The following RFC3 variants were observed in gnomAD, a reference collection of about 807,000 sequenced individuals.
The protein encoded by RFC3 is replication factor C subunit 3.
A neutral mutation model predicts 45.1 loss-of-function variants in RFC3; 41 were observed. The ratio of observed to expected loss-of-function variants is 0.91; its 90% CI spans 0.71 to 1.18. The LOEUF is 1.18. Ranked by LOEUF, RFC3 falls within the 50% of genes most tolerant of loss-of-function variation. RFC3 has a pLI of 0.00. For synonymous variants in RFC3, 149 were observed against 144.0 expected (o/e 1.03, Z -0.25); for missense variants, 423 against 428.1 (o/e 0.99, Z 0.10).
At chr13:33,947,218 G>A (rs771554314) in intron 8 of RFC3, among the ~76,000 whole-genome samples, 4 of 152,100 alleles carry the variant, frequency 2.6e-5, no homozygotes, top group Non-Finnish European at 4.4e-5. Context: ...GGACCATGGG[G>A]GTGATTTCCC....
intron 8 of RFC3, among the ~76,000 whole-genome samples, chr13:33,875,946 G>A (rs968461221): frequency 6.6e-6 from 1 of 152,114 alleles, no homozygotes; most frequent in African/African-American, 2.4e-5. Flanking sequence ...CAACTTGAAA[G>A]TGTTTAGTAT....
intron 8 of RFC3, among the ~76,000 whole-genome samples, chr13:33,911,250 C>G (rs1396049375): frequency 6.6e-6 from 1 of 152,010 alleles, no homozygotes; most frequent in Non-Finnish European, 1.5e-5. Flanking sequence ...AATGAGAGAG[C>G]TCATTTACAC....
the RFC3 span, among the ~76,000 whole-genome samples, chr13:33,971,898 G>A: frequency 0.44 from 66,403 of 151,958 alleles, 15,714 homozygotes; most frequent in East Asian, 0.78. Context: ...GATCACTTGA[G>A]GTCAGGAGTT....
chr13:33,851,292 A>G (rs1407101532), intron 8 of RFC3, among the ~76,000 whole-genome samples: 1 of 152,192 alleles, frequency 6.6e-6, no homozygotes, highest in East Asian at 1.9e-4. Flanking sequence ...ACCCTTGAAC[A>G]ATGTCGGGGG....
chr13:33,825,435 C>A (rs536451238), intron 3 of RFC3, among the ~76,000 whole-genome samples: 9 of 152,160 alleles, frequency 5.9e-5, no homozygotes, highest in Non-Finnish European at 7.4e-5. Context: ...TTTGTATTTT[C>A]AACAATTATA....
At position 33,823,989 on chromosome 13, in the gene RFC3, G is replaced by A. The variant is rs1183540928; in HGVS notation, c.293+5G>A. On this transcript the variant is annotated splice_donor_5th_base_variant and intron_variant, in intron 3 of 8. Coordinates refer to ENST00000380071, the MANE Select transcript of RFC3 (RefSeq NM_002915.4). ...CCACCTTGAAGTTAATCCTAGGTAA[G>A]TTACTACTATATAGAAATTAAGTAT... The A allele has an allele frequency of 1.4e-6, 2 of 1,433,928 alleles. No individual in the cohort carries two copies. Among genetic ancestry groups the A allele is most frequent in the East Asian group, 2.3e-5 (1 of 42,854 alleles). 88.8% of individuals were successfully genotyped at this position (1,433,928 alleles called of 1,614,324 possible).
chr13:33,953,321 C>G (rs1164614929), intron 8 of RFC3, among the ~76,000 whole-genome samples: 17 of 41,604 alleles, frequency 4.1e-4, no homozygotes, highest in African/African-American at 1.5e-3. Context: ...TGGTGTTGCT[C>G]TTTAAAAAAA....
chr13:33,907,345 G>T (rs973552775), intron 8 of RFC3, among the ~76,000 whole-genome samples: 4 of 152,036 alleles, frequency 2.6e-5, no homozygotes, highest in South Asian at 2.1e-4. Flanking sequence ...TGCTGTGTTT[G>T]CCATTTGTTC....
chr13:33,886,019 T>TAA (rs145940330), intron 8 of RFC3, among the ~76,000 whole-genome samples: 9 of 147,638 alleles, frequency 6.1e-5, no homozygotes, highest in Middle Eastern at 3.5e-3. Context: ...TTTTCTCCCT[T>TAA]AAAAAAAAAA....
At chr13:33,836,049 G>C (rs3135632) in intron 8 of RFC3, 55 bp from the exon 9 acceptor site, 4 of 1,518,744 alleles carry the variant, frequency 2.6e-6, no homozygotes, top group Non-Finnish European at 3.6e-6. Context: ...GAGAAATAAG[G>C]CATGCTTAGC....
intron 8 of RFC3, among the ~76,000 whole-genome samples, chr13:33,888,833 C>T (rs2082544664): frequency 6.6e-6 from 1 of 151,668 alleles, no homozygotes; most frequent in Non-Finnish European, 1.5e-5. Flanking sequence ...GCAATGTCCA[C>T]CTCCCAGGTT....
At chr13:33,977,365 T>C in the RFC3 span, among the ~76,000 whole-genome samples, 1 of 152,184 alleles carries the variant, frequency 6.6e-6, no homozygotes, top group Non-Finnish European at 1.5e-5. Context: ...ATAAAGGTTT[T>C]ATTTAAAAAC....
intron 8 of RFC3, among the ~76,000 whole-genome samples, chr13:33,880,155 G>A (rs1469867965): frequency 1.3e-5 from 2 of 152,136 alleles, no homozygotes; most frequent in Middle Eastern, 6.3e-3. Flanking sequence ...CTGAGGATTA[G>A]GACATAGAAT....
chr13:33,948,613 G>A (rs1174438631), intron 8 of RFC3, among the ~76,000 whole-genome samples: 1 of 152,202 alleles, frequency 6.6e-6, no homozygotes, highest in Non-Finnish European at 1.5e-5. Flanking sequence ...ATGCCAGTCT[G>A]TGAATTCAGC....
chr13:33,822,937 TA>T (rs998515519), intron 2 of RFC3, among the ~76,000 whole-genome samples: 2 of 152,098 alleles, frequency 1.3e-5, no homozygotes, highest in African/African-American at 4.8e-5. Flanking sequence ...AAGGACTGTG[TA>T]AATAAGAGAT....
intron 5 of RFC3, 42 bp from the exon 6 acceptor site, chr13:33,830,677 G>C: frequency 1.3e-6 from 2 of 1,545,248 alleles, no homozygotes; most frequent in Non-Finnish European, 1.8e-6. Flanking sequence ...ATCTTAATCT[G>C]CTTTTTAATG....
At chr13:33,922,847 G>T (rs951060437) in intron 8 of RFC3, among the ~76,000 whole-genome samples, 1 of 152,068 alleles carries the variant, frequency 6.6e-6, no homozygotes, top group Non-Finnish European at 1.5e-5. Context: ...CTGGCCCACA[G>T]TCTCTTCATT....
chr13:33,912,330 T>C (rs1265928981), intron 8 of RFC3, among the ~76,000 whole-genome samples: 9 of 152,012 alleles, frequency 5.9e-5, no homozygotes, highest in Non-Finnish European at 1.3e-4. Flanking sequence ...ATGGTGGTAA[T>C]GTGACAAGTA....
At chr13:33,890,589 A>G (rs2137632523) in intron 8 of RFC3, among the ~76,000 whole-genome samples, 1 of 152,290 alleles carries the variant, frequency 6.6e-6, no homozygotes, top group East Asian at 1.9e-4. Context: ...TCTCTTCGGA[A>G]AATCTATGAA....
Sources: allele counts gnomAD v4.1 joint callset (sites outside exome capture counted in the v4.1 genomes callset), GRCh38; gene constraint gnomAD v4.1.1; transcripts MANE v1.5; gene names NCBI Gene and HGNC (gene_info 2026-07-23, HGNC 2026-07-21).